DNAAF5: variants seen among roughly 807,000 people sequenced by gnomAD.
The protein encoded by DNAAF5 is HEAT repeat containing 2.
A neutral mutation model predicts 75.8 loss-of-function variants in DNAAF5; 64 were observed. That is an observed-to-expected ratio of 0.84 (90% confidence interval 0.69 to 1.04). DNAAF5 has a LOEUF of 1.04. Ranked by LOEUF, DNAAF5 falls within the 50% of genes least tolerant of loss-of-function variation. The probability of loss-of-function intolerance (pLI) is 0.00; values close to 1 mark genes in which losing one functional copy is unlikely to be tolerated. For missense variants in DNAAF5, 1,269 were observed against 1,178.5 expected, an observed-to-expected ratio of 1.08 and a Z score of -1.12; for synonymous variants, 657 against 557.2, an observed-to-expected ratio of 1.18 and a Z score of -2.52.
In DNAAF5 at chr7:765,086, A is replaced by G. The variant is rs1782779445; in HGVS notation, c.1783+1112A>G. 3.9e-5 allele frequency among the ~76,000 whole-genome samples: 6 copies of G among 152,162 alleles called. 1 individual carries two copies. In the South Asian group the frequency reaches 1.2e-3, roughly 32 times the overall value. Reference sequence around the variant, plus strand: ...CAGTGAGCTGTGACTGCACTGCTGCACTCCAGCCTGGGCAACAGAGCAAGG... The same window carrying G: ...CAGTGAGCTGTGACTGCACTGCTGCGCTCCAGCCTGGGCAACAGAGCAAGG... On this transcript the variant is annotated intron_variant, in intron 8 of 12. Transcript: ENST00000297440.
chr7:745,613 C>A (rs1166126276), intron 4 of DNAAF5, among the ~76,000 whole-genome samples: 1 of 152,186 alleles, frequency 6.6e-6, no homozygotes, highest in Non-Finnish European at 1.5e-5. Flanking sequence ...ACATACACAC[C>A]TGTGCACACA....
intron 1 of DNAAF5, 54 bp downstream of exon 1, chr7:727,369 TCCAC>T: frequency 1.2e-6 from 1 of 809,240 alleles, no homozygotes; most frequent in Admixed American, 1.6e-4. Context: ...CACCCCCACC[TCCAC>T]CTCCGCGGCC....
chr7:727,035 C>T lies in DNAAF5; in HGVS notation c.315C>T (p.Arg105=), dbSNP rs1583467957. The change falls in exon 1 of 13, where the codon CGC becomes CGT. Residue 105 remains arginine, a synonymous_variant. Transcript: ENST00000297440. The part of the protein sequence containing the change: ...LAVHLLDLGL[R]RAARPRDALP... ...TGCACCTGCTGGATCTGGGCCTGCG[C>T]CGCGCCGCGCGGCCCCGCGATGCCC... is the stretch of plus-strand genomic sequence containing the variant. 8.8e-7 allele frequency: 1 copy of T among 1,131,282 alleles called. No individual in the cohort carries two copies. 70.1% of individuals were successfully genotyped at this position (1,131,282 alleles called of 1,614,324 possible). A position where few individuals can be genotyped will look rare whatever the true frequency, so the allele number is the denominator to read the frequency against.
rs183077458 is a variant in DNAAF5, at chr7:774,016, C to T, written c.1932-32C>T. ...CGTTTCTTCCGAGCACCTGTCCGGTCTCCTCATCCACCCTCTCCGTTCCGG... is the reference window on the plus strand; with the variant it reads ...CGTTTCTTCCGAGCACCTGTCCGGTTTCCTCATCCACCCTCTCCGTTCCGG... On this transcript the variant is annotated intron_variant, in intron 9 of 12. Coordinates refer to ENST00000297440, the MANE Select transcript of DNAAF5 (RefSeq NM_017802.4). The T allele has an allele frequency of 7.4e-6, 12 of 1,613,764 alleles. No homozygotes were observed. In the South Asian group the frequency reaches 9.9e-5, roughly 13 times the overall value.
At chr7:775,511 G>GGTGTGTGTGTGTGT (rs10582414) in intron 11 of DNAAF5, among the ~76,000 whole-genome samples, 1 of 150,504 alleles carries the variant, frequency 6.6e-6, no homozygotes, top group African/African-American at 2.4e-5. Context: ...TAAAAGTAGG[G>GGTGTGTGTGTGTGT]GTGTGTGTGT....
At chr7:745,537 A>G (rs538058347) in intron 4 of DNAAF5, among the ~76,000 whole-genome samples, 24 of 152,266 alleles carry the variant, frequency 1.6e-4, no homozygotes, top group African/African-American at 5.8e-4. Flanking sequence ...GTACATGCAT[A>G]TCGTCACACG....
At position 741,457 on chromosome 7, in the gene DNAAF5, CTCCA is replaced by C; in HGVS notation, c.1017_1020del (p.Pro340MetfsTer37). 6.5e-7 allele frequency: 1 copy of C among 1,548,948 alleles called. No individual in the cohort carries two copies. The highest frequency in any genetic ancestry group is 8.8e-7 in the Non-Finnish European group (1 of 1,139,314). On this transcript the variant is annotated frameshift_variant, in exon 4 of 13. Coordinates refer to ENST00000297440, the MANE Select transcript of DNAAF5 (RefSeq NM_017802.4). LOFTEE classifies it high-confidence loss of function. The stretch of plus-strand genomic sequence containing the variant: ...GCCCCTCCCACCCCACCCCATTACC[CTCCA>C]CATGGTGAGTGACCGCGGCAGAGGG...
At chr7:765,153 C>T (rs1358671313) in intron 8 of DNAAF5, among the ~76,000 whole-genome samples, 1 of 152,144 alleles carries the variant, frequency 6.6e-6, no homozygotes, top group Non-Finnish European at 1.5e-5. Flanking sequence ...CTGGCGATTG[C>T]TGACGTGCAC....
chr7:781,617 A>G (rs1778945713), intron 12 of DNAAF5, among the ~76,000 whole-genome samples: 1 of 152,190 alleles, frequency 6.6e-6, no homozygotes, highest in Non-Finnish European at 1.5e-5. Flanking sequence ...GTGCTCATTT[A>G]CATTCCCACC....
intron 12 of DNAAF5, 145 bp from the exon 13 acceptor site, chr7:785,372 T>A: frequency 2.4e-6 from 2 of 847,318 alleles, no homozygotes; most frequent in Non-Finnish European, 3.8e-6. Context: ...GCATTGTGAC[T>A]ACTGTATGTC....
chr7:729,262 G>A (rs1381986010), intron 1 of DNAAF5, among the ~76,000 whole-genome samples: 1 of 152,194 alleles, frequency 6.6e-6, no homozygotes, highest in African/African-American at 2.4e-5. Flanking sequence ...CTCAGGTGGG[G>A]CTGGGAGTGT....
intron 8 of DNAAF5, 48 bp from the exon 9 acceptor site, chr7:770,423 T>A: frequency 2.5e-6 from 4 of 1,574,438 alleles, no homozygotes; most frequent in Non-Finnish European, 2.6e-6. Flanking sequence ...TGGGGCCTCC[T>A]CCCGTCTCCT....
intron 2 of DNAAF5, among the ~76,000 whole-genome samples, chr7:731,510 C>T (rs1381478029): frequency 6.6e-6 from 1 of 152,158 alleles, no homozygotes; most frequent in African/African-American, 2.4e-5. Flanking sequence ...TATGTATAAG[C>T]AGCCTACTCT....
At chr7:777,575 G>A (rs1378091720) in intron 11 of DNAAF5, among the ~76,000 whole-genome samples, 3 of 152,150 alleles carry the variant, frequency 2.0e-5, no homozygotes, top group Admixed American at 6.5e-5. Flanking sequence ...AAGGGGATGG[G>A]GTGGGCGGGA....
chr7:740,681 G>A (rs564766636), intron 2 of DNAAF5, 138 bp from the exon 3 acceptor site: 16 of 1,222,104 alleles, frequency 1.3e-5, no homozygotes, highest in East Asian at 7.0e-5. Context: ...GCATCTAGGC[G>A]GTGGTAGGTG....
chr7:784,540 C>G (rs1303139082), intron 12 of DNAAF5, among the ~76,000 whole-genome samples: 2 of 152,170 alleles, frequency 1.3e-5, no homozygotes, highest in African/African-American at 4.8e-5. Context: ...ACACGCCCAA[C>G]CCTTTCTGGC....
chr7:785,539 G>C lies in DNAAF5; in HGVS notation c.2454G>C (p.Gly818=). 1.2e-6 allele frequency: 2 copies of C among 1,613,756 alleles called. No homozygotes were observed. The highest frequency in any genetic ancestry group is 1.7e-6 in the Non-Finnish European group (2 of 1,179,996). Residue 818 remains glycine (G), a synonymous_variant, in exon 13 of 13, where the codon GGG becomes GGC. Transcript: ENST00000297440. ...CAGAGGTCCTCAAAGAGGGCAGCGG[G>C]CTGTTCCCAGATCTCCTGGTGAGGG... ...AILEVLKEGS[G]LFPDLLVRET...
At chr7:740,004 A>G (rs1781855957) in intron 2 of DNAAF5, among the ~76,000 whole-genome samples, 2 of 152,128 alleles carry the variant, frequency 1.3e-5, no homozygotes, top group Non-Finnish European at 2.9e-5. Context: ...CCCACGGCCC[A>G]GCCAGGGACT....
intron 4 of DNAAF5, among the ~76,000 whole-genome samples, chr7:752,652 T>C (rs1782343161): frequency 6.8e-6 from 1 of 148,104 alleles, no homozygotes; most frequent in African/African-American, 2.5e-5. Context: ...GAAGGCTTCG[T>C]GACCGTGGGC....
Sources: gnomAD v4.1 joint callset for allele counts (sites outside exome capture counted in the v4.1 genomes callset) on GRCh38, gnomAD v4.1.1 for gene constraint, MANE v1.5 for transcripts, NCBI Gene and HGNC (gene_info 2026-07-23, HGNC 2026-07-21) for gene names.